ROBO1: variants seen among roughly 807,000 people sequenced by gnomAD.
ROBO1 encodes the protein roundabout homolog 1.
ROBO1 carries 149 observed loss-of-function variants against 195.9 expected under a neutral mutation model. The observed-to-expected ratio is 0.76, with a 90% CI of 0.67 to 0.87. ROBO1 has a LOEUF of 0.87. Among genes scored for constraint, ROBO1 ranks in the 40% least tolerant of loss-of-function variants. The probability of loss-of-function intolerance (pLI) is 0.00; values close to 1 mark genes in which losing one functional copy is unlikely to be tolerated. For synonymous variants in ROBO1, 816 were observed against 733.2 expected, an observed-to-expected ratio of 1.11 and a Z score of -1.82; for missense variants, 1,933 against 2,068.3, an observed-to-expected ratio of 0.93 and a Z score of 1.27.
intron 8 of ROBO1, among the ~76,000 whole-genome samples, chr3:78,695,962 A>G (rs567448496): frequency 8.5e-5 from 13 of 152,234 alleles, no homozygotes; most frequent in Admixed American, 5.2e-4. Flanking sequence ...CTGCTAAAGA[A>G]TAAATTATAG....
chr3:79,240,871 G>A (rs1438864375), intron 2 of ROBO1, among the ~76,000 whole-genome samples: 1 of 151,902 alleles, frequency 6.6e-6, no homozygotes, highest in African/African-American at 2.4e-5. Context: ...TCAAACTCCT[G>A]GGTTCAAGTG....
intron 4 of ROBO1, among the ~76,000 whole-genome samples, chr3:78,835,923 C>T (rs993833300): frequency 2.0e-5 from 3 of 152,142 alleles, no homozygotes; most frequent in Non-Finnish European, 4.4e-5. Flanking sequence ...ATTTAAATTA[C>T]TTCACTTATT....
intron 4 of ROBO1, among the ~76,000 whole-genome samples, chr3:78,841,800 A>G (rs2106747022): frequency 6.6e-6 from 1 of 152,328 alleles, no homozygotes; most frequent in African/African-American, 2.4e-5. Context: ...CGAATGAGAG[A>G]AACATGGAAA....
chr3:79,398,472 C>T (rs1317728929), intron 2 of ROBO1, among the ~76,000 whole-genome samples: 2 of 152,106 alleles, frequency 1.3e-5, no homozygotes, highest in East Asian at 3.9e-4. Context: ...TTGAGTCCAA[C>T]ACCAAAAGCC....
rs1050573353 is a variant in ROBO1, at chr3:78,657,402, C to A, written c.2443-133G>T. On this transcript the variant is annotated intron_variant, in intron 17 of 30. Coordinates refer to ENST00000464233, the MANE Select transcript of ROBO1 (RefSeq NM_002941.4). ...CACTACCATAAGAAGTTTCCAAAGT[C>A]ATTTTTTCCCTAAAATCTAGTTCTA... 7 of 824,728 alleles carry A rather than the reference C, an allele frequency of 8.5e-6. No homozygotes were observed. In the Admixed American group the frequency reaches 1.3e-4, roughly 15 times the overall value. The allele number at this position is 824,728 out of a possible 1,614,324, so 51.1% of individuals were successfully genotyped here.
chr3:78,948,383 C>T (rs1488049650), intron 3 of ROBO1, among the ~76,000 whole-genome samples: 1 of 152,112 alleles, frequency 6.6e-6, no homozygotes, highest in Non-Finnish European at 1.5e-5. Flanking sequence ...TAAACGTAAT[C>T]CAGCTTATAA....
At chr3:78,940,824 C>T (rs1476266465) in intron 3 of ROBO1, among the ~76,000 whole-genome samples, 1 of 152,126 alleles carries the variant, frequency 6.6e-6, no homozygotes, top group East Asian at 1.9e-4. Context: ...TTCCCTTATG[C>T]TTGGCAGAGT....
chr3:78,664,603 C>T (rs1329734167), intron 14 of ROBO1, among the ~76,000 whole-genome samples: 1 of 152,226 alleles, frequency 6.6e-6, no homozygotes, highest in Non-Finnish European at 1.5e-5. Context: ...ATAGGTCTAC[C>T]TGACTCCTGT....
At position 78,636,033 on chromosome 3, in the gene ROBO1, T is replaced by A. The variant is rs1458151651; in HGVS notation, c.3113A>T (p.Tyr1038Phe). 6.2e-7 allele frequency: 1 copy of A among 1,613,878 alleles called. No homozygotes were observed. Among genetic ancestry groups the A allele is most frequent in the Non-Finnish European group, 8.5e-7 (1 of 1,179,806 alleles). ...TNLMLPESTV[Y>F]GDVDLSNKIN... ...TTTGTTACTAAGGTCCACATCACCA[T>A]AAACAGTTGACTCAGGGAGCATCAG... Residue 1038 changes from tyrosine (Y) to phenylalanine (F), a missense_variant, in exon 23 of 31, where the codon TAT (tyrosine) becomes TTT (phenylalanine). Physicochemically the swap from Tyr to Phe is conservative, Grantham distance 22 (BLOSUM62 3). Around this residue, in one of 3 missense-constraint regions of ROBO1, gnomAD observed 1,737 missense variants for 1,882.5 expected, o/e 0.92. Transcript: ENST00000464233.
At chr3:78,708,979 TTTTG>T (rs1397507360) in intron 8 of ROBO1, among the ~76,000 whole-genome samples, 1 of 152,168 alleles carries the variant, frequency 6.6e-6, no homozygotes, top group African/African-American at 2.4e-5. Context: ...AGATGCTTGA[TTTTG>T]TTTGTGTATT....
intron 2 of ROBO1, among the ~76,000 whole-genome samples, chr3:79,368,380 A>G (rs1196780796): frequency 6.6e-6 from 1 of 152,164 alleles, no homozygotes; most frequent in Admixed American, 6.5e-5. Flanking sequence ...GCAAACTACT[A>G]TGCAACTAAT....
At chr3:78,637,507 C>G (rs1705595108) in intron 22 of ROBO1, among the ~76,000 whole-genome samples, 1 of 152,148 alleles carries the variant, frequency 6.6e-6, no homozygotes, top group Non-Finnish European at 1.5e-5. Context: ...CACGTGGCCA[C>G]TGAGCACTAG....
At chr3:79,175,138 T>C (rs1453831905) in intron 2 of ROBO1, among the ~76,000 whole-genome samples, 3 of 152,286 alleles carry the variant, frequency 2.0e-5, no homozygotes, top group Admixed American at 6.5e-5. Context: ...GGATAGTTTA[T>C]TTTAGGGTTC....
At chr3:79,160,899 A>T (rs550771271) in intron 2 of ROBO1, among the ~76,000 whole-genome samples, 1 of 152,178 alleles carries the variant, frequency 6.6e-6, no homozygotes, top group East Asian at 1.9e-4. Context: ...CGTTACACAA[A>T]GTCATTTTTT....
chr3:79,078,077 T>G (rs1162981335), intron 3 of ROBO1, among the ~76,000 whole-genome samples: 1 of 151,776 alleles, frequency 6.6e-6, no homozygotes, highest in East Asian at 1.9e-4. Flanking sequence ...CTAATATATA[T>G]GTGACTGCTT....
At chr3:79,625,436 A>AAAAAAAAAAAAAAAAAAAAAAAAAAAAC (rs1945142661) in intron 1 of ROBO1, among the ~76,000 whole-genome samples, 1 of 144,888 alleles carries the variant, frequency 6.9e-6, no homozygotes, top group Non-Finnish European at 1.5e-5. Context: ...AAAAAAAAAA[A>AAAAAAAAAAAAAAAAAAAAAAAAAAAAC]AAAAAAAAGC....
chr3:78,799,448 T>C (rs1460447924), intron 4 of ROBO1, among the ~76,000 whole-genome samples: 2 of 152,118 alleles, frequency 1.3e-5, no homozygotes, highest in Non-Finnish European at 2.9e-5. Context: ...TTCACGCCAT[T>C]CTCCTGCCTC....
chr3:78,652,280 A>G (rs1456064223), intron 18 of ROBO1, among the ~76,000 whole-genome samples: 1 of 152,164 alleles, frequency 6.6e-6, no homozygotes, highest in East Asian at 1.9e-4. Context: ...CATAACACTA[A>G]AGAATGAAGT....
At chr3:79,668,280 G>A (rs1280426258) in intron 1 of ROBO1, among the ~76,000 whole-genome samples, 5 of 151,184 alleles carry the variant, frequency 3.3e-5, no homozygotes, top group Non-Finnish European at 7.4e-5. Context: ...GGGAAGCATG[G>A]TTCCTTCCAT....
Sources: allele counts gnomAD v4.1 joint callset (sites outside exome capture counted in the v4.1 genomes callset), GRCh38; gene constraint gnomAD v4.1.1; regional missense constraint gnomAD v4.1.1; transcripts MANE v1.5; gene names NCBI Gene and HGNC (gene_info 2026-07-23, HGNC 2026-07-21).